The following SYT1 variants were observed in gnomAD, a reference collection of about 807,000 sequenced individuals.
SYT1 encodes the protein synaptotagmin 1, also known as synaptotagmin-1.
In SYT1, 8 loss-of-function variants were observed where a neutral mutation model predicts 44.8. That is an observed-to-expected ratio of 0.18 (90% CI 0.10 to 0.32). The LOEUF (loss-of-function observed/expected upper bound fraction) is 0.32. Among genes scored for constraint, SYT1 ranks in the 10% least tolerant of loss-of-function variants. The pLI, the probability that SYT1 is intolerant of heterozygous loss-of-function variation, is 1.00. For synonymous variants in SYT1, 154 were observed against 188.8 expected, an observed-to-expected ratio of 0.82 and a Z score of 1.51; for missense variants, 286 against 509.3, an observed-to-expected ratio of 0.56 and a Z score of 4.22.
chr12:79,446,283 T>C (rs1173133824), intron 10 of SYT1, among the ~76,000 whole-genome samples: 1 of 151,714 alleles, frequency 6.6e-6, no homozygotes, highest in Non-Finnish European at 1.5e-5. Flanking sequence ...TCATCATCAT[T>C]ATTATTCACA....
intron 6 of SYT1, 126 bp downstream of exon 6, chr12:79,292,256 T>C: frequency 8.6e-7 from 1 of 1,162,560 alleles, no homozygotes; most frequent in Non-Finnish European, 1.2e-6. Flanking sequence ...ATCAAAGCTA[T>C]GGATGAAATA....
At chr12:78,963,679 C>T (rs1879629002) in intron 1 of SYT1, among the ~76,000 whole-genome samples, 1 of 152,048 alleles carries the variant, frequency 6.6e-6, no homozygotes, top group Admixed American at 6.6e-5. Context: ...AAAACAGATG[C>T]TGGCAAGGTT....
intron 2 of SYT1, among the ~76,000 whole-genome samples, chr12:78,994,666 G>T (rs367851030): frequency 2.0e-5 from 3 of 151,574 alleles, no homozygotes; most frequent in East Asian, 3.9e-4. Flanking sequence ...CTCCTGAGGA[G>T]CTGGGATTAC....
At position 79,306,191 on chromosome 12, in the gene SYT1, A is replaced by T. The variant is rs541192024; in HGVS notation, c.810+6640A>T. Among the ~76,000 whole-genome samples, 3 of 152,342 alleles carry T rather than the reference A, an allele frequency of 2.0e-5. No homozygotes were observed. The East Asian group carries it at 5.8e-4, about 29-fold the overall frequency. Reference sequence around the variant, plus strand: ...TGCTTAAATAAATATTTTCAAGTAGATTGGTTGAACAAATTAGAATTTAAC... The same window carrying T: ...TGCTTAAATAAATATTTTCAAGTAGTTTGGTTGAACAAATTAGAATTTAAC... On this transcript the variant is annotated intron_variant, in intron 8 of 10. Coordinates refer to ENST00000261205, the MANE Select transcript of SYT1 (RefSeq NM_005639.3).
At chr12:79,342,819 A>C (rs1198851689) in intron 8 of SYT1, among the ~76,000 whole-genome samples, 1 of 152,246 alleles carries the variant, frequency 6.6e-6, no homozygotes, top group Non-Finnish European at 1.5e-5. Flanking sequence ...AAGATCATAA[A>C]TTCAGTTTTT....
intron 4 of SYT1, among the ~76,000 whole-genome samples, chr12:79,258,288 A>G (rs1877640948): frequency 6.6e-6 from 1 of 152,134 alleles, no homozygotes; most frequent in Non-Finnish European, 1.5e-5. Flanking sequence ...TGTTTTTCTG[A>G]CTTAACATCT....
chr12:79,379,609 G>C (rs1884136232), intron 9 of SYT1, among the ~76,000 whole-genome samples: 1 of 152,132 alleles, frequency 6.6e-6, no homozygotes. Context: ...GCAAACTCCT[G>C]AAAGCTTTGA....
At chr12:79,179,139 T>C (rs1204613679) in intron 3 of SYT1, among the ~76,000 whole-genome samples, 1 of 121,126 alleles carries the variant, frequency 8.3e-6, no homozygotes, top group Admixed American at 9.0e-5. Context: ...TATATAGATA[T>C]AGATATAGAT....
chr12:78,915,049 AC>A (rs1876567656), intron 1 of SYT1, among the ~76,000 whole-genome samples: 1 of 151,766 alleles, frequency 6.6e-6, no homozygotes, highest in Admixed American at 6.6e-5. Context: ...AAAAAGATAG[AC>A]TGGAACTCAA....
At chr12:78,921,020 G>A (rs143033559) in intron 1 of SYT1, among the ~76,000 whole-genome samples, 1 of 151,734 alleles carries the variant, frequency 6.6e-6, no homozygotes, top group Non-Finnish European at 1.5e-5. Flanking sequence ...TGAAGGTGAG[G>A]CATTGATTTT....
chr12:79,086,925 T>C (rs1326052752), intron 3 of SYT1, among the ~76,000 whole-genome samples: 1 of 152,202 alleles, frequency 6.6e-6, no homozygotes, highest in East Asian at 1.9e-4. Context: ...ATTAATCTTA[T>C]GTTCTTTCCA....
chr12:78,919,361 T>A (rs1362862696), intron 1 of SYT1, among the ~76,000 whole-genome samples: 2 of 152,036 alleles, frequency 1.3e-5, no homozygotes, highest in Admixed American at 1.3e-4. Context: ...GGAAGCTCCA[T>A]ACCAGGTGAG....
intron 2 of SYT1, among the ~76,000 whole-genome samples, chr12:79,023,752 C>T (rs1004059831): frequency 1.3e-5 from 2 of 151,742 alleles, no homozygotes; most frequent in African/African-American, 4.8e-5. Flanking sequence ...TCAATTGTTT[C>T]TGTTATCTCA....
intron 2 of SYT1, among the ~76,000 whole-genome samples, chr12:79,040,796 T>C (rs1873499405): frequency 6.6e-6 from 1 of 152,024 alleles, no homozygotes; most frequent in Non-Finnish European, 1.5e-5. Flanking sequence ...GAATTAATTT[T>C]TGTATAAGGT....
intron 1 of SYT1, among the ~76,000 whole-genome samples, chr12:78,962,670 G>T (rs1361636592): frequency 1.3e-5 from 2 of 152,034 alleles, no homozygotes; most frequent in Admixed American, 6.6e-5. Flanking sequence ...TTTAAATTAT[G>T]TTTTAATAAT....
chr12:79,379,086 T>C (rs574319724), intron 9 of SYT1, among the ~76,000 whole-genome samples: 25 of 152,284 alleles, frequency 1.6e-4, no homozygotes, highest in African/African-American at 5.8e-4. Flanking sequence ...AGAAATTCAT[T>C]TCATTTTAGT....
intron 2 of SYT1, among the ~76,000 whole-genome samples, chr12:78,989,426 A>G (rs1306838160): frequency 6.6e-6 from 1 of 152,100 alleles, no homozygotes; most frequent in Non-Finnish European, 1.5e-5. Flanking sequence ...TATTCAGTAG[A>G]TTATTGATAT....
intron 1 of SYT1, among the ~76,000 whole-genome samples, chr12:78,946,815 T>C (rs1000131463): frequency 3.3e-5 from 5 of 152,148 alleles, no homozygotes; most frequent in African/African-American, 1.2e-4. Flanking sequence ...AAATAAGTAA[T>C]AAATACTTTT....
intron 2 of SYT1, among the ~76,000 whole-genome samples, chr12:78,985,747 T>G (rs1361519076): frequency 6.6e-6 from 1 of 152,014 alleles, no homozygotes; most frequent in Non-Finnish European, 1.5e-5. Context: ...AATAGGACTT[T>G]ATAAATTGGT....
Sources: gnomAD v4.1 joint callset for allele counts (sites outside exome capture counted in the v4.1 genomes callset) on GRCh38, gnomAD v4.1.1 for gene constraint, MANE v1.5 for transcripts, NCBI Gene and HGNC (gene_info 2026-07-23, HGNC 2026-07-21) for gene names.